EYS: variants seen among roughly 807,000 people sequenced by gnomAD.
EYS encodes protein eyes shut homolog.
EYS carries 250 observed loss-of-function variants against 282.1 expected under a neutral mutation model. The ratio of observed to expected loss-of-function variants is 0.89; its 90% CI spans 0.80 to 0.98. The LOEUF is 0.98. Among genes scored for constraint, EYS ranks in the 50% least tolerant of loss-of-function variants. EYS has a pLI of 0.00. For synonymous variants in EYS, 1,355 were observed against 1,282.9 expected (o/e 1.06, Z -1.20); for missense variants, 4,016 against 3,709.0 (o/e 1.08, Z -2.15).
At chr6:64,371,044 T>C (rs776635741) in intron 29 of EYS, among the ~76,000 whole-genome samples, 1 of 152,114 alleles carries the variant, frequency 6.6e-6, no homozygotes, top group Non-Finnish European at 1.5e-5. Flanking sequence ...GGTTATTTCT[T>C]GTCTTCTGCT....
At chr6:64,518,607 G>A (rs1213382236) in intron 26 of EYS, among the ~76,000 whole-genome samples, 4 of 151,660 alleles carry the variant, frequency 2.6e-5, no homozygotes, top group Non-Finnish European at 5.9e-5. Flanking sequence ...GACCCGACGG[G>A]AATGATATGG....
intron 31 of EYS, among the ~76,000 whole-genome samples, chr6:64,084,008 G>T (rs1247364954): frequency 6.6e-6 from 1 of 152,194 alleles, no homozygotes; most frequent in Non-Finnish European, 1.5e-5. Context: ...AAAGTGCTGG[G>T]ATTACAGGCG....
intron 2 of EYS, among the ~76,000 whole-genome samples, chr6:65,575,790 G>C (rs1764643055): frequency 6.6e-6 from 1 of 151,898 alleles, no homozygotes; most frequent in African/African-American, 2.4e-5. Context: ...AAATATAAAG[G>C]ATCTTGAAAC....
At chr6:65,027,943 G>C (rs1182574793) in intron 13 of EYS, among the ~76,000 whole-genome samples, 1 of 151,992 alleles carries the variant, frequency 6.6e-6, no homozygotes, top group Non-Finnish European at 1.5e-5. Context: ...TGGATTGTAT[G>C]GTAAAGTGAA....
At chr6:64,604,461 G>C (rs569675823) in intron 24 of EYS, among the ~76,000 whole-genome samples, 43 of 152,110 alleles carry the variant, frequency 2.8e-4, no homozygotes, top group African/African-American at 7.5e-4. Flanking sequence ...AGAACATCAA[G>C]AATTTGTGAA....
chr6:65,538,564 T>C (rs919746085), intron 2 of EYS, among the ~76,000 whole-genome samples: 1 of 152,108 alleles, frequency 6.6e-6, no homozygotes, highest in South Asian at 2.1e-4. Context: ...ATATATTGAG[T>C]ATCTCCCAAA....
At chr6:64,533,588 A>G (rs1401861523) in intron 26 of EYS, among the ~76,000 whole-genome samples, 1 of 152,092 alleles carries the variant, frequency 6.6e-6, no homozygotes, top group Non-Finnish European at 1.5e-5. Flanking sequence ...CTTTACCTGT[A>G]TCTATGTTTT....
At chr6:64,207,948 C>T (rs1023766672) in intron 31 of EYS, among the ~76,000 whole-genome samples, 5 of 152,244 alleles carry the variant, frequency 3.3e-5, no homozygotes, top group African/African-American at 1.2e-4. Flanking sequence ...CTTGAGCCAC[C>T]GTGCCCAGTC....
intron 29 of EYS, among the ~76,000 whole-genome samples, chr6:64,379,343 T>C (rs1399493213): frequency 6.6e-6 from 1 of 152,220 alleles, no homozygotes; most frequent in Non-Finnish European, 1.5e-5. Context: ...TAAATTGTGA[T>C]CTATATTACT....
At chr6:64,896,478 C>T (rs1353373290) in intron 18 of EYS, among the ~76,000 whole-genome samples, 1 of 152,114 alleles carries the variant, frequency 6.6e-6, no homozygotes, top group Non-Finnish European at 1.5e-5. Context: ...ACCACAAGGG[C>T]ACTGGGTTTC....
chr6:64,656,890 G>A (rs985376897), intron 22 of EYS, among the ~76,000 whole-genome samples: 18 of 152,162 alleles, frequency 1.2e-4, no homozygotes, highest in African/African-American at 4.3e-4. Context: ...AGAGGAGTAG[G>A]AGTGATAGCC....
intron 5 of EYS, among the ~76,000 whole-genome samples, chr6:65,486,766 A>G (rs569108661): frequency 6.6e-4 from 100 of 152,338 alleles, no homozygotes; most frequent in African/African-American, 1.8e-3. Flanking sequence ...AACGTTCTAA[A>G]GAATAATAAA....
chr6:64,030,901 C>T (rs1036437890), intron 33 of EYS, among the ~76,000 whole-genome samples: 4 of 152,226 alleles, frequency 2.6e-5, no homozygotes, highest in Non-Finnish European at 5.9e-5. Context: ...CTGCAGGGCC[C>T]CTTCATCGTC....
At chr6:64,602,992 G>A (rs1766809414) in intron 24 of EYS, among the ~76,000 whole-genome samples, 1 of 151,958 alleles carries the variant, frequency 6.6e-6, no homozygotes. Context: ...GCTGGTAGAA[G>A]AATAGGTCCT....
chr6:65,556,223 C>T (rs1768794481), intron 2 of EYS, among the ~76,000 whole-genome samples: 1 of 152,206 alleles, frequency 6.6e-6, no homozygotes, highest in Non-Finnish European at 1.5e-5. Flanking sequence ...GTAGTCCTAG[C>T]TGTTCAGAAG....
chr6:64,645,730 G>C (rs900588611), intron 22 of EYS, among the ~76,000 whole-genome samples: 1 of 152,066 alleles, frequency 6.6e-6, no homozygotes, highest in Admixed American at 6.5e-5. Flanking sequence ...TTATTAGAAT[G>C]CTGTCAGAAA....
At chr6:64,460,476 C>T (rs1775707731) in intron 26 of EYS, among the ~76,000 whole-genome samples, 2 of 152,224 alleles carry the variant, frequency 1.3e-5, no homozygotes, top group African/African-American at 4.8e-5. Flanking sequence ...AATCTCATTC[C>T]TAATTTTCCA....
chr6:64,696,842 G>T (rs902053964), intron 22 of EYS, among the ~76,000 whole-genome samples: 2 of 152,020 alleles, frequency 1.3e-5, no homozygotes, highest in African/African-American at 4.8e-5. Context: ...ATGCCCAAAG[G>T]TGTTTTAAAT....
intron 23 of EYS, among the ~76,000 whole-genome samples, 189 bp downstream of exon 23, chr6:64,625,932 T>A (rs1360931672): frequency 6.6e-6 from 1 of 152,212 alleles, no homozygotes; most frequent in Non-Finnish European, 1.5e-5. Context: ...GTGCTTGCTT[T>A]CTAGTATCAT....
Sources: gnomAD v4.1 joint callset for allele counts (sites outside exome capture counted in the v4.1 genomes callset) on GRCh38, gnomAD v4.1.1 for gene constraint, MANE v1.5 for transcripts, NCBI Gene and HGNC (gene_info 2026-07-23, HGNC 2026-07-21) for gene names.